CSRP3: variants seen among roughly 807,000 people sequenced by gnomAD.
The protein encoded by CSRP3 is cysteine and glycine-rich protein 3.
Under a neutral mutation model 24.3 loss-of-function variants are expected in CSRP3, and 24 were observed. That is an observed-to-expected ratio of 0.99 (90% CI 0.71 to 1.39). The LOEUF is 1.39. Among genes scored for constraint, CSRP3 ranks in the 40% most tolerant of loss-of-function variants. The pLI is 0.00. For synonymous variants in CSRP3, 105 were observed against 94.0 expected (o/e 1.12, Z -0.68); for missense variants, 240 against 249.0 (o/e 0.96, Z 0.24).
chr11:19,199,924 A>G (rs1196279843), intron 1 of CSRP3, among the ~76,000 whole-genome samples: 1 of 152,304 alleles, frequency 6.6e-6, no homozygotes, highest in East Asian at 1.9e-4. Context: ...TGAACAGCAC[A>G]CTTGTAACTG....
At chr11:19,190,091 C>CATGA (rs763070128) in intron 2 of CSRP3, among the ~76,000 whole-genome samples, 15 of 152,332 alleles carry the variant, frequency 9.8e-5, no homozygotes, top group East Asian at 3.9e-4. Context: ...TTATTGAGTA[C>CATGA]ATGAATGAAT....
rs995298419 is a variant in CSRP3 at position 19,182,455 on chromosome 11, T to G, written c.*215A>C. 4 of 602,152 alleles carry G rather than the reference T, an allele frequency of 6.6e-6. No individual in the cohort carries two copies. Among genetic ancestry groups the G allele is most frequent in the Non-Finnish European group, 8.9e-6 (3 of 336,458 alleles). 37.3% of individuals were successfully genotyped at this position (602,152 alleles called of 1,614,324 possible). On this transcript the variant is annotated 3_prime_UTR_variant, in exon 6 of 6. Coordinates refer to ENST00000265968, the MANE Select transcript of CSRP3 (RefSeq NM_003476.5). ...TTTATTGCCTCTCCCATTCCAAGCA[T>G]TATAAATAATAAAGCATTTGTTATA...
At chr11:19,190,753 G>A (rs1850600340) in intron 2 of CSRP3, among the ~76,000 whole-genome samples, 2 of 152,144 alleles carry the variant, frequency 1.3e-5, no homozygotes, top group South Asian at 2.1e-4. Flanking sequence ...ACAGACAGGT[G>A]ATTATCTTGT....
chr11:19,197,784 T>C (rs1369612877), intron 1 of CSRP3, among the ~76,000 whole-genome samples: 1 of 149,408 alleles, frequency 6.7e-6, no homozygotes, highest in African/African-American at 2.5e-5. Flanking sequence ...AGTTCAATTG[T>C]CTACACTGGC....
At chr11:19,190,516 T>C (rs1850596672) in intron 2 of CSRP3, among the ~76,000 whole-genome samples, 1 of 152,288 alleles carries the variant, frequency 6.6e-6, no homozygotes. Context: ...TCTGTTTATT[T>C]GTACCATTTT....
intron 4 of CSRP3, 56 bp from the exon 5 acceptor site, chr11:19,185,101 C>A: frequency 7.7e-7 from 1 of 1,297,332 alleles, no homozygotes; most frequent in South Asian, 1.2e-5. Flanking sequence ...ATTCTGTTTC[C>A]ATTTCAAGTC....
chr11:19,197,357 C>T, intron 1 of CSRP3, among the ~76,000 whole-genome samples: 1 of 43,826 alleles, frequency 2.3e-5, no homozygotes, highest in Non-Finnish European at 3.7e-5. Context: ...TCCCTCCCTC[C>T]CTCCCTCCCT....
chr11:19,192,232 G>A, intron 2 of CSRP3, 105 bp downstream of exon 2: 1 of 807,188 alleles, frequency 1.2e-6, no homozygotes, highest in Admixed American at 1.9e-5. Flanking sequence ...GCTTGTCCCA[G>A]GACCACACTA....
rs756008701 is a variant in CSRP3, at chr11:19,185,082, A to G, written c.415-37T>C. 4.8e-6 allele frequency: 7 copies of G among 1,450,302 alleles called. No homozygotes were observed. The South Asian group carries it at 6.8e-5, about 14-fold the overall frequency. The allele number at this position is 1,450,302 out of a possible 1,614,324, so 89.8% of individuals were successfully genotyped here. On this transcript the variant is annotated intron_variant, in intron 4 of 5. Transcript: ENST00000265968. ...AGAAAAGTTGCATATTTAATGAGGTAGGCAACACATTCTGTTTCCATTTCA... is the reference window on the plus strand; with the variant it reads ...AGAAAAGTTGCATATTTAATGAGGTGGGCAACACATTCTGTTTCCATTTCA...
intron 2 of CSRP3, among the ~76,000 whole-genome samples, 176 bp from the exon 3 acceptor site, chr11:19,188,480 G>A (rs368581948): frequency 4.6e-5 from 7 of 152,220 alleles, no homozygotes; most frequent in Middle Eastern, 3.4e-3. Context: ...AGACAGTCCC[G>A]ATCTCACAGA....
intron 2 of CSRP3, among the ~76,000 whole-genome samples, chr11:19,189,819 G>A (rs1850586991): frequency 6.6e-6 from 1 of 152,218 alleles, no homozygotes; most frequent in African/African-American, 2.4e-5. Context: ...TACAGCAGGA[G>A]AGACTTTATA....
intron 3 of CSRP3, among the ~76,000 whole-genome samples, chr11:19,186,592 G>T (rs75907227): frequency 0.012 from 1,770 of 152,312 alleles, 38 homozygotes; most frequent in African/African-American, 0.041. Flanking sequence ...TGCTAAAATG[G>T]GTTTAGAGCT....
Position 19,184,987 on chromosome 11 carries a change from T to C in CSRP3, c.473A>G (p.Asn158Ser). Residue 158 changes from asparagine (N) to serine (S), a missense_variant, in exon 5 of 6, where the codon AAT becomes AGT. Physicochemically the swap from Asn to Ser is conservative, Grantham distance 46 (BLOSUM62 1). Coordinates refer to ENST00000265968, the MANE Select transcript of CSRP3 (RefSeq NM_003476.5). The stretch of plus-strand genomic sequence containing the variant: ...AAGTTCCCCATCTTTGTCAGTGACA[T>C]TTGTGGACTCCAGACTCTTCCCACA... ...AICGKSLEST[N>S]VTDKDGELYC... 6.2e-7 allele frequency: 1 copy of C among 1,614,092 alleles called. No individual in the cohort carries two copies. The highest frequency in any genetic ancestry group is 2.2e-5 in the East Asian group (1 of 44,886).
At chr11:19,183,124 C>T (rs1396836017) in intron 5 of CSRP3, among the ~76,000 whole-genome samples, 1 of 151,698 alleles carries the variant, frequency 6.6e-6, no homozygotes, top group African/African-American at 2.4e-5. Context: ...CACCACTGCA[C>T]TCCAGCTTGG....
At chr11:19,198,209 G>A (rs770109579) in intron 1 of CSRP3, among the ~76,000 whole-genome samples, 5 of 152,120 alleles carry the variant, frequency 3.3e-5, no homozygotes, top group Non-Finnish European at 5.9e-5. Flanking sequence ...CTTTTCCAAG[G>A]TCACACAGCT....
chr11:19,183,585 C>T (rs9888224), intron 5 of CSRP3, among the ~76,000 whole-genome samples: 24,504 of 151,598 alleles, frequency 0.16, 2,441 homozygotes, highest in African/African-American at 0.29. Flanking sequence ...CTACTATAGA[C>T]TTTTTTTTTC....
intron 1 of CSRP3, among the ~76,000 whole-genome samples, chr11:19,193,930 A>G (rs1850655624): frequency 6.6e-6 from 1 of 152,268 alleles, no homozygotes; most frequent in Non-Finnish European, 1.5e-5. Context: ...TAAGCCATTG[A>G]TGTTAAATGA....
intron 1 of CSRP3, among the ~76,000 whole-genome samples, chr11:19,196,381 T>C (rs1424358246): frequency 6.6e-6 from 1 of 152,214 alleles, no homozygotes; most frequent in Non-Finnish European, 1.5e-5. Context: ...AGGACCATTG[T>C]GAAGGTCATG....
Position 19,185,044 on chromosome 11 carries a change from G to T in CSRP3, c.416C>A (p.Pro139His). Residue 139 changes from proline to histidine, a missense_variant and splice_region_variant, in exon 5 of 6, where the codon CCT becomes CAT. Coordinates refer to ENST00000265968, the MANE Select transcript of CSRP3 (RefSeq NM_003476.5). ...ACAGCGGAAACAGGTCTTGTGCCAA[G>T]GCTGAGGGGCACAGAAAAGTTGCAT... ...AAEKVMGGGK[P>H]WHKTCFRCAI... 2 of 1,612,760 alleles carry T rather than the reference G, an allele frequency of 1.2e-6. No homozygotes were observed. Among genetic ancestry groups the T allele is most frequent in the Non-Finnish European group, 8.5e-7 (1 of 1,178,672 alleles).
Sources: gnomAD v4.1 joint callset for allele counts (sites outside exome capture counted in the v4.1 genomes callset) on GRCh38, gnomAD v4.1.1 for gene constraint, MANE v1.5 for transcripts, NCBI Gene and HGNC (gene_info 2026-07-23, HGNC 2026-07-21) for gene names.